Variants in FMN2 observed in about 807,000 individuals in gnomAD.
The protein encoded by FMN2 is formin-2.
A neutral mutation model predicts 142.3 loss-of-function variants in FMN2; 51 were observed. The ratio of observed to expected loss-of-function variants is 0.36; its 90% CI spans 0.29 to 0.45. The LOEUF (loss-of-function observed/expected upper bound fraction) is 0.45, where lower values mean the gene tolerates loss of function less well. Ranked by LOEUF, FMN2 falls within the 20% of genes least tolerant of loss-of-function variation. The pLI is 1.00. For synonymous variants in FMN2, 882 were observed against 869.8 expected, an observed-to-expected ratio of 1.01 and a Z score of -0.25; for missense variants, 1,936 against 2,122.8, an observed-to-expected ratio of 0.91 and a Z score of 1.73.
At chr1:240,459,732 A>T (rs1676382262) in intron 16 of FMN2, among the ~76,000 whole-genome samples, 3 of 106,368 alleles carry the variant, frequency 2.8e-5, no homozygotes, top group African/African-American at 9.2e-5. Context: ...AAAAAAAAAA[A>T]AAAAAAAAAA....
At chr1:240,168,596 A>G (rs1217338836) in intron 2 of FMN2, among the ~76,000 whole-genome samples, 1 of 152,214 alleles carries the variant, frequency 6.6e-6, no homozygotes, top group Non-Finnish European at 1.5e-5. Flanking sequence ...CTCTTTAGGT[A>G]ATTAAATAAA....
chr1:240,121,735 T>TAAAAAAAAAAAAAAAAAAAAAAAA (rs71168898), intron 1 of FMN2, among the ~76,000 whole-genome samples: 1 of 25,672 alleles, frequency 3.9e-5, no homozygotes, highest in Non-Finnish European at 6.4e-5. Flanking sequence ...AGGGAAATAG[T>TAAAAAAAAAAAAAAAAAAAAAAAA]AAAAAAAAAA....
At chr1:240,129,994 C>T (rs1009175448) in intron 2 of FMN2, among the ~76,000 whole-genome samples, 2 of 152,024 alleles carry the variant, frequency 1.3e-5, no homozygotes, top group South Asian at 4.1e-4. Context: ...AAATTCAGAT[C>T]GTATCTCTTG....
intron 6 of FMN2, among the ~76,000 whole-genome samples, chr1:240,227,117 A>G (rs920470121): frequency 1.3e-5 from 2 of 152,220 alleles, no homozygotes; most frequent in African/African-American, 4.8e-5. Flanking sequence ...AGAAGAAACT[A>G]TTAGACGTAA....
chr1:240,373,167 GAGCAAGAGTCC>G, intron 14 of FMN2, among the ~76,000 whole-genome samples: 1 of 152,334 alleles, frequency 6.6e-6, no homozygotes, highest in Middle Eastern at 3.4e-3. Context: ...CTGGGCGACA[GAGCAAGAGTCC>G]ATCTCAAATA....
intron 7 of FMN2, among the ~76,000 whole-genome samples, chr1:240,266,399 G>A (rs560349254): frequency 6.6e-6 from 1 of 151,788 alleles, no homozygotes; most frequent in South Asian, 2.1e-4. Flanking sequence ...ATTGGATGAC[G>A]GTAGATGTGT....
chr1:240,368,092 T>A (rs1672744428), intron 14 of FMN2, among the ~76,000 whole-genome samples: 1 of 152,220 alleles, frequency 6.6e-6, no homozygotes, highest in Non-Finnish European at 1.5e-5. Flanking sequence ...ATTAGCCTAT[T>A]TCCATTATTT....
chr1:240,391,682 A>C (rs1294478460), intron 14 of FMN2, among the ~76,000 whole-genome samples: 1 of 152,192 alleles, frequency 6.6e-6, no homozygotes, highest in Non-Finnish European at 1.5e-5. Flanking sequence ...AAAATCTGAT[A>C]GATAGGCTAA....
intron 6 of FMN2, among the ~76,000 whole-genome samples, chr1:240,236,944 T>TTAAC (rs1427060190): frequency 6.6e-6 from 1 of 152,244 alleles, no homozygotes; most frequent in Non-Finnish European, 1.5e-5. Context: ...TACTTTGGGT[T>TTAAC]TAACTTTTTA....
At chr1:240,330,477 G>C in intron 10 of FMN2, 126 bp from the exon 11 acceptor site, 1 of 899,394 alleles carries the variant, frequency 1.1e-6, no homozygotes, top group Non-Finnish European at 1.6e-6. Context: ...TAATAATTAG[G>C]AATGATAAAG....
At chr1:240,381,252 C>G (rs958039466) in intron 14 of FMN2, among the ~76,000 whole-genome samples, 3 of 152,098 alleles carry the variant, frequency 2.0e-5, no homozygotes, top group African/African-American at 7.2e-5. Flanking sequence ...CTCTGATGAG[C>G]ATAGATGCAG....
At chr1:240,411,937 G>A (rs988347909) in intron 15 of FMN2, among the ~76,000 whole-genome samples, 3 of 152,198 alleles carry the variant, frequency 2.0e-5, no homozygotes, top group Admixed American at 6.5e-5. Flanking sequence ...CAGGAGTGAT[G>A]TGGCAGGCGG....
chr1:240,216,259 T>C (rs1319747563), intron 6 of FMN2, among the ~76,000 whole-genome samples: 1 of 152,204 alleles, frequency 6.6e-6, no homozygotes, highest in Non-Finnish European at 1.5e-5. Flanking sequence ...GAATCATCTT[T>C]GTAAAATAAG....
chr1:240,142,170 A>G (rs919233963), intron 2 of FMN2, among the ~76,000 whole-genome samples: 4 of 152,112 alleles, frequency 2.6e-5, no homozygotes, highest in Admixed American at 6.5e-5. Context: ...CGGCGGCTTC[A>G]TTGTCATCAG....
intron 8 of FMN2, among the ~76,000 whole-genome samples, chr1:240,296,688 A>G (rs566605072): frequency 4.7e-5 from 7 of 150,532 alleles, no homozygotes; most frequent in African/African-American, 1.5e-4. Flanking sequence ...TTTTTTTAAC[A>G]TATGTTATAT....
intron 3 of FMN2, 63 bp downstream of exon 3, chr1:240,178,131 A>T: frequency 7.2e-7 from 1 of 1,382,852 alleles, no homozygotes; most frequent in Non-Finnish European, 9.4e-7. Context: ...GAGAAGTTTT[A>T]TTAAATCTTA....
At chr1:240,368,821 G>T (rs1286589543) in intron 14 of FMN2, among the ~76,000 whole-genome samples, 1 of 151,952 alleles carries the variant, frequency 6.6e-6, no homozygotes, top group Non-Finnish European at 1.5e-5. Context: ...TTGATTGGAG[G>T]TTTTCATATC....
intron 2 of FMN2, among the ~76,000 whole-genome samples, chr1:240,174,962 C>G (rs369948956): frequency 6.6e-6 from 1 of 152,150 alleles, no homozygotes; most frequent in South Asian, 2.1e-4. Context: ...AGTCTGTACC[C>G]GTTACATTGC....
At chr1:240,184,517 G>GA (rs561666205) in intron 3 of FMN2, among the ~76,000 whole-genome samples, 11,977 of 119,760 alleles carry the variant, frequency 0.1, 606 homozygotes, top group African/African-American at 0.15. Flanking sequence ...CGCCCGGCCT[G>GA]TTTTTTTTTT....
Sources: allele counts gnomAD v4.1 joint callset (sites outside exome capture counted in the v4.1 genomes callset), GRCh38; gene constraint gnomAD v4.1.1; transcripts MANE v1.5; gene names NCBI Gene and HGNC (gene_info 2026-07-23, HGNC 2026-07-21).